Variants in STPG4 observed in about 807,000 individuals in gnomAD.
STPG4 encodes protein STPG4.
A neutral mutation model predicts 31.5 loss-of-function variants in STPG4; 41 were observed. That is an observed-to-expected ratio of 1.30 (90% CI 1.01 to 1.69). STPG4 has a LOEUF of 1.69. Ranked by LOEUF, STPG4 falls within the 40% of genes most tolerant of loss-of-function variation. STPG4 has a pLI of 0.00. For synonymous variants in STPG4, 141 were observed against 103.0 expected, an observed-to-expected ratio of 1.37 and a Z score of -2.24; for missense variants, 375 against 293.4, an observed-to-expected ratio of 1.28 and a Z score of -2.03.
intron 3 of STPG4, among the ~76,000 whole-genome samples, chr2:47,146,042 G>A (rs556844742): frequency 6.6e-6 from 1 of 152,326 alleles, no homozygotes; most frequent in South Asian, 2.1e-4. Flanking sequence ...AAAATACCTT[G>A]AGGTAGGAGT....
At chr2:47,122,984 C>G (rs552799428) in intron 5 of STPG4, among the ~76,000 whole-genome samples, 1 of 152,058 alleles carries the variant, frequency 6.6e-6, no homozygotes, top group South Asian at 2.1e-4. Flanking sequence ...TGCCACCACG[C>G]CCAGCTAATT....
At chr2:47,147,595 A>G (rs1686848404) in intron 3 of STPG4, among the ~76,000 whole-genome samples, 2 of 152,180 alleles carry the variant, frequency 1.3e-5, no homozygotes, top group African/African-American at 4.8e-5. Flanking sequence ...CAGAAAGTTC[A>G]AGAAACTGAG....
intron 5 of STPG4, among the ~76,000 whole-genome samples, chr2:47,101,137 A>T (rs565580767): frequency 6.6e-6 from 1 of 151,912 alleles, no homozygotes; most frequent in African/African-American, 2.4e-5. Context: ...TTTCCTTAGA[A>T]TTCAGGGGCT....
intron 3 of STPG4, among the ~76,000 whole-genome samples, 170 bp from the exon 4 acceptor site, chr2:47,130,430 A>T (rs1686454681): frequency 6.6e-6 from 1 of 152,234 alleles, no homozygotes. Context: ...GCTTCAAAAC[A>T]TTTAACATAG....
At position 47,154,264 on chromosome 2, in the gene STPG4, G is replaced by GAAGCTAA. The variant is rs1686987134; in HGVS notation, c.81+906_81+907insTTAGCTT. Among the ~76,000 whole-genome samples the GAAGCTAA allele has an allele frequency of 2.0e-5, 3 of 152,132 alleles. No individual in the cohort carries two copies. The South Asian group carries it at 6.2e-4, about 32-fold the overall frequency. ...ATTTTCTCATGACACTGCTAAAGCT[G>GAAGCTAA]AGCTTCTTCTTTGATACTTCTTCGC... On this transcript the variant is annotated intron_variant, in intron 1 of 6. Coordinates refer to ENST00000445927, the MANE Select transcript of STPG4 (RefSeq NM_001163561.2).
Position 47,090,280 on chromosome 2 carries a change from G to T in STPG4, c.614C>A (p.Pro205His). Residue 205 changes from proline to histidine, a missense_variant, in exon 6 of 7, where the codon CCC (proline) becomes CAC (histidine). Pro to His is a moderately conservative substitution (Grantham distance 77). Transcript: ENST00000445927. ...CFQSRVPRFLPSCSKTPGPGA... is the reference protein window; with the variant it reads ...CFQSRVPRFLHSCSKTPGPGA... ...TTTCCGAATACTTACTGAACAGCTG[G>T]GCAAGAATCGAGGGACTCTGGATTG... 1.9e-6 allele frequency: 3 copies of T among 1,550,664 alleles called. 1 individual carries two copies. Among genetic ancestry groups the T allele is most frequent in the South Asian group, 2.4e-5 (2 of 84,028 alleles).
At chr2:47,137,999 C>A (rs892396109) in intron 3 of STPG4, among the ~76,000 whole-genome samples, 1 of 151,986 alleles carries the variant, frequency 6.6e-6, no homozygotes, top group Non-Finnish European at 1.5e-5. Flanking sequence ...TTTATTATTT[C>A]TTTTCTTTCA....
chr2:47,104,942 A>C (rs984070100), intron 5 of STPG4, among the ~76,000 whole-genome samples: 3 of 151,944 alleles, frequency 2.0e-5, no homozygotes, highest in African/African-American at 7.3e-5. Flanking sequence ...ACGTTAAAAC[A>C]GTTGAGGGGG....
chr2:47,125,248 C>A (rs1231100894), intron 5 of STPG4, among the ~76,000 whole-genome samples: 2 of 151,978 alleles, frequency 1.3e-5, no homozygotes, highest in Non-Finnish European at 2.9e-5. Flanking sequence ...TGGCAAGAGC[C>A]CATTTCTACA....
At chr2:47,139,921 G>A (rs1460067374) in intron 3 of STPG4, among the ~76,000 whole-genome samples, 2 of 151,934 alleles carry the variant, frequency 1.3e-5, no homozygotes, top group Non-Finnish European at 2.9e-5. Context: ...GACTACAGGC[G>A]CCCACCATCA....
At chr2:47,152,878 A>G (rs960396340) in intron 2 of STPG4, 79 bp downstream of exon 2, 6 of 988,096 alleles carry the variant, frequency 6.1e-6, no homozygotes, top group African/African-American at 5.0e-5. Flanking sequence ...ATTTAGTGTT[A>G]GTCTTAAAAG....
chr2:47,143,009 T>C (rs1405409463), intron 3 of STPG4, among the ~76,000 whole-genome samples: 2 of 151,954 alleles, frequency 1.3e-5, no homozygotes, highest in Non-Finnish European at 2.9e-5. Context: ...GGCTAATTTT[T>C]TTGTATTTTT....
At chr2:47,135,117 G>A (rs1375870839) in intron 3 of STPG4, among the ~76,000 whole-genome samples, 2 of 152,098 alleles carry the variant, frequency 1.3e-5, no homozygotes, top group African/African-American at 4.8e-5. Context: ...TATATCTTTT[G>A]CAAATATATT....
intron 5 of STPG4, among the ~76,000 whole-genome samples, chr2:47,106,115 C>T (rs903766359): frequency 1.2e-4 from 18 of 151,608 alleles, no homozygotes; most frequent in African/African-American, 2.4e-5. Flanking sequence ...GAGAAAGAGA[C>T]AAAGGAGAAG....
chr2:47,153,120 A>C, intron 1 of STPG4, 104 bp from the exon 2 acceptor site: 1 of 697,008 alleles, frequency 1.4e-6, no homozygotes, highest in Non-Finnish European at 2.4e-6. Flanking sequence ...CCCATACCCA[A>C]CTGATATGTC....
At chr2:47,119,248 C>T (rs1207170512) in intron 5 of STPG4, among the ~76,000 whole-genome samples, 1 of 152,182 alleles carries the variant, frequency 6.6e-6, no homozygotes, top group African/African-American at 2.4e-5. Flanking sequence ...TGTTACTTTG[C>T]CTTGGAACAT....
chr2:47,101,397 G>A (rs1685796804), intron 5 of STPG4, among the ~76,000 whole-genome samples: 1 of 151,674 alleles, frequency 6.6e-6, no homozygotes, highest in African/African-American at 2.4e-5. Context: ...GCCATGAGCA[G>A]AACTCTAAAA....
chr2:47,128,545 C>T (rs907996510), intron 5 of STPG4, among the ~76,000 whole-genome samples: 4 of 152,110 alleles, frequency 2.6e-5, no homozygotes, highest in African/African-American at 9.7e-5. Context: ...CGTCCCTCCC[C>T]TCTCCTCAAG....
intron 5 of STPG4, among the ~76,000 whole-genome samples, chr2:47,103,816 G>A (rs1685848618): frequency 1.3e-5 from 2 of 151,844 alleles, no homozygotes. Flanking sequence ...CACCCTCACT[G>A]AGCCCCGGGT....
Sources: allele counts gnomAD v4.1 joint callset (sites outside exome capture counted in the v4.1 genomes callset), GRCh38; gene constraint gnomAD v4.1.1; transcripts MANE v1.5; gene names NCBI Gene and HGNC (gene_info 2026-07-23, HGNC 2026-07-21).